F11R: variants seen among roughly 807,000 people sequenced by gnomAD.
The protein encoded by F11R is junctional adhesion molecule A.
F11R carries 27 observed loss-of-function variants against 39.3 expected under a neutral mutation model. The ratio of observed to expected loss-of-function variants is 0.69; its 90% CI spans 0.51 to 0.95. The LOEUF (loss-of-function observed/expected upper bound fraction) is 0.95. F11R is among the 40% of genes least tolerant of loss of function. The pLI, the probability that F11R is intolerant of heterozygous loss-of-function variation, is 0.00. For missense variants in F11R, 335 were observed against 372.7 expected (o/e 0.90, Z 0.83); for synonymous variants, 131 against 144.9 (o/e 0.90, Z 0.69).
In F11R at chr1:161,001,031, T is replaced by C. The variant is rs780375451; in HGVS notation, c.230A>G (p.Asn77Ser). Residue 77 changes from asparagine to serine, a missense_variant, in exon 3 of 10, where the codon AAC becomes AGC. Asn to Ser is a conservative substitution (Grantham distance 46). Transcript: ENST00000368026. Reference protein sequence around the residue: ...GDTTRLVCYNNKITASYEDRV... With the variant: ...GDTTRLVCYNSKITASYEDRV... ...GAGAAGCAACTCACCTGTGATCTTGTTATTATAGCAAACGAGTCTGGTGGT... is the reference window on the plus strand; with the variant it reads ...GAGAAGCAACTCACCTGTGATCTTGCTATTATAGCAAACGAGTCTGGTGGT... 8.7e-6 allele frequency: 14 copies of C among 1,613,978 alleles called. No individual in the cohort carries two copies. The highest frequency in any genetic ancestry group is 5.9e-6 in the Non-Finnish European group (7 of 1,179,896).
chr1:161,009,704 A>C (rs1649019762), intron 1 of F11R, among the ~76,000 whole-genome samples: 1 of 152,014 alleles, frequency 6.6e-6, no homozygotes, highest in Non-Finnish European at 1.5e-5. Context: ...GCGGTGGCTC[A>C]CGCCTATAAT....
chr1:161,004,114 A>G (rs1328809989), intron 1 of F11R, among the ~76,000 whole-genome samples: 1 of 151,676 alleles, frequency 6.6e-6, no homozygotes, highest in African/African-American at 2.4e-5. Context: ...CCAGGCTGGA[A>G]TTTCTTTTTT....
In F11R at chr1:160,996,649, C is replaced by G. The variant is rs1648139249; in HGVS notation, c.*2222G>C. 1.3e-5 allele frequency: 2 copies of G among 152,204 alleles called. No homozygotes were observed. Among genetic ancestry groups the G allele is most frequent in the Non-Finnish European group, 2.9e-5 (2 of 68,108 alleles). 9.4% of individuals were successfully genotyped at this position (152,204 alleles called of 1,614,324 possible). The stretch of plus-strand genomic sequence containing the variant: ...GGCATGGTGGCACGCACCCGTAATC[C>G]CAGCTACTCAGGAGACTGAGGCAGG... On this transcript the variant is annotated 3_prime_UTR_variant, in exon 10 of 10. Transcript: ENST00000368026.
intron 1 of F11R, among the ~76,000 whole-genome samples, chr1:161,006,962 G>A (rs1392990927): frequency 6.6e-6 from 1 of 151,760 alleles, no homozygotes; most frequent in South Asian, 2.1e-4. Flanking sequence ...TCAGGAGTTC[G>A]AGACCAGTCT....
chr1:161,013,259 C>T (rs1277412381), intron 1 of F11R, among the ~76,000 whole-genome samples: 2 of 152,158 alleles, frequency 1.3e-5, no homozygotes, highest in African/African-American at 2.4e-5. Context: ...TCACAAGACC[C>T]CCCAGTTGCC....
intron 1 of F11R, among the ~76,000 whole-genome samples, chr1:161,015,507 C>G (rs1279782652): frequency 6.6e-6 from 1 of 150,672 alleles, no homozygotes; most frequent in African/African-American, 2.4e-5. Context: ...AGGAGAATCA[C>G]TTGAACCTGG....
Position 161,000,165 on chromosome 1 carries a change from T to C in F11R, c.572A>G (p.Asn191Ser), listed in dbSNP as rs750787271. The change falls in exon 5 of 10, where the codon AAT (asparagine) becomes AGT (serine). Residue 191 changes from asparagine (N) to serine (S), a missense_variant. Asn to Ser is a conservative substitution (Grantham distance 46, BLOSUM62 1). Transcript: ENST00000368026. ...ACATACCAGCTCTCCTGTTGTGGGA[T>C]TCAGGACATAGGAAGAGTTGCTGAA... ...RAFSNSSYVLNPTTGELVFDP... is the reference protein window; with the variant it reads ...RAFSNSSYVLSPTTGELVFDP... 1.2e-6 allele frequency: 2 copies of C among 1,614,134 alleles called. No individual in the cohort carries two copies. Among genetic ancestry groups the C allele is most frequent in the South Asian group, 2.2e-5 (2 of 91,084 alleles).
chr1:161,012,661 G>A (rs899235060), intron 1 of F11R, among the ~76,000 whole-genome samples: 8 of 147,746 alleles, frequency 5.4e-5, no homozygotes, highest in East Asian at 2.0e-4. Context: ...TTTTGCTCTC[G>A]TCACCCAGGG....
chr1:161,007,826 T>C (rs564600299), intron 1 of F11R, among the ~76,000 whole-genome samples: 2 of 152,278 alleles, frequency 1.3e-5, no homozygotes, highest in Admixed American at 1.3e-4. Context: ...TCCCCTGTCA[T>C]TGCAGCTGCC....
At chr1:161,008,608 A>G (rs556386454) in intron 1 of F11R, among the ~76,000 whole-genome samples, 1 of 152,334 alleles carries the variant, frequency 6.6e-6, no homozygotes, top group Admixed American at 6.5e-5. Flanking sequence ...ATTATATGTA[A>G]TATCATTTAA....
At chr1:161,001,500 A>C in intron 1 of F11R, 147 bp from the exon 2 acceptor site, 1 of 648,130 alleles carries the variant, frequency 1.5e-6, no homozygotes, top group East Asian at 2.7e-5. Flanking sequence ...TGGCTCTCAC[A>C]CTTTGTCACC....
At chr1:160,999,333 G>C in intron 8 of F11R, 63 bp downstream of exon 8, 3 of 1,609,468 alleles carry the variant, frequency 1.9e-6, no homozygotes, top group Non-Finnish European at 2.6e-6. Context: ...GCCCACTTCA[G>C]CTTCAAACCA....
intron 1 of F11R, among the ~76,000 whole-genome samples, chr1:161,015,702 G>GAT (rs960212635): frequency 6.7e-5 from 10 of 149,926 alleles, no homozygotes; most frequent in South Asian, 6.3e-4. Flanking sequence ...AAAACTCCAT[G>GAT]ATATATATAT....
chr1:161,006,304 T>C (rs1190552564), intron 1 of F11R, among the ~76,000 whole-genome samples: 1 of 152,152 alleles, frequency 6.6e-6, no homozygotes, highest in Non-Finnish European at 1.5e-5. Context: ...CACTCCCTAA[T>C]AAATGTCTTG....
At chr1:161,000,491 C>A in intron 4 of F11R, 140 bp downstream of exon 4, 1 of 1,415,376 alleles carries the variant, frequency 7.1e-7, no homozygotes. Context: ...ACCAGGGGCT[C>A]ATCTCCCTCT....
chr1:161,017,573 C>T (rs1364241385), intron 1 of F11R, among the ~76,000 whole-genome samples: 3 of 152,336 alleles, frequency 2.0e-5, no homozygotes, highest in African/African-American at 4.8e-5. Flanking sequence ...ACCCTCTCCC[C>T]ACAATTGTCT....
In F11R at chr1:161,017,512, TCTTTAC is replaced by T. The variant is rs1649531017; in HGVS notation, c.64+3492_64+3497del. Among the ~76,000 whole-genome samples the T allele has an allele frequency of 4.6e-5, 7 of 152,322 alleles. No homozygotes were observed. The South Asian group carries it at 1.4e-3, about 32-fold the overall frequency. On this transcript the variant is annotated intron_variant, in intron 1 of 9. Transcript: ENST00000368026. ...CATATCTAAAAGCACAGCACTTGAT[TCTTTAC>T]CTTGTCTATGATGCAAAGACCTTTG...
intron 1 of F11R, among the ~76,000 whole-genome samples, chr1:161,003,515 A>C (rs1044620575): frequency 2.0e-5 from 3 of 152,008 alleles, no homozygotes; most frequent in African/African-American, 7.2e-5. Flanking sequence ...TGCCCGCTGC[A>C]GCCGCCCAAA....
At chr1:161,009,550 T>A (rs1334534397) in intron 1 of F11R, among the ~76,000 whole-genome samples, 1 of 152,094 alleles carries the variant, frequency 6.6e-6, no homozygotes, top group Non-Finnish European at 1.5e-5. Context: ...ACTACGTACC[T>A]GAATAATAAT....
Sources: gnomAD v4.1 joint callset for allele counts (sites outside exome capture counted in the v4.1 genomes callset) on GRCh38, gnomAD v4.1.1 for gene constraint, MANE v1.5 for transcripts, NCBI Gene and HGNC (gene_info 2026-07-23, HGNC 2026-07-21) for gene names.